Variants in NXPE4 observed in about 807,000 individuals in gnomAD.
NXPE4 encodes NXPE family member 4.
In NXPE4, 42 loss-of-function variants were observed where a neutral mutation model predicts 33.3. The ratio of observed to expected loss-of-function variants is 1.26; its 90% CI spans 0.98 to 1.63. The LOEUF is 1.63. NXPE4 is among the 40% of genes most tolerant of loss of function. The probability of loss-of-function intolerance (pLI) is 0.00; values close to 1 mark genes in which losing one functional copy is unlikely to be tolerated. For synonymous variants in NXPE4, 253 were observed against 234.9 expected, an observed-to-expected ratio of 1.08 and a Z score of -0.71; for missense variants, 709 against 647.6, an observed-to-expected ratio of 1.09 and a Z score of -1.03.
the NXPE4 span, among the ~76,000 whole-genome samples, chr11:114,665,928 T>G: frequency 6.6e-6 from 1 of 152,138 alleles, no homozygotes; most frequent in South Asian, 2.1e-4. Flanking sequence ...CTGTGTGCAG[T>G]TATTATCACT....
the NXPE4 span, among the ~76,000 whole-genome samples, chr11:114,604,389 C>CTGTTACATGATG: frequency 1.2e-3 from 188 of 152,104 alleles, no homozygotes; most frequent in African/African-American, 4.3e-3. Context: ...TGGGTAACCA[C>CTGTTACATGATG]TGTTACATGA....
chr11:114,602,126 T>C, the NXPE4 span, among the ~76,000 whole-genome samples: 868 of 102,160 alleles, frequency 8.5e-3, 14 homozygotes, highest in African/African-American at 0.033. Flanking sequence ...TTATATATAT[T>C]ATACATAACA....
chr11:114,607,222 C>T, the NXPE4 span, among the ~76,000 whole-genome samples: 2 of 151,762 alleles, frequency 1.3e-5, no homozygotes, highest in East Asian at 1.9e-4. Flanking sequence ...AATGTTACCT[C>T]GTGTGTAACC....
the NXPE4 span, among the ~76,000 whole-genome samples, chr11:114,628,573 G>T: frequency 0.2 from 29,176 of 149,362 alleles, 3,310 homozygotes; most frequent in African/African-American, 0.32. Context: ...AAGCAGGAAA[G>T]ATCCAAAATT....
chr11:114,605,396 T>G, the NXPE4 span, among the ~76,000 whole-genome samples: 1 of 151,936 alleles, frequency 6.6e-6, no homozygotes, highest in Non-Finnish European at 1.5e-5. Context: ...GGGTAACCAC[T>G]GTTACCTGGT....
At chr11:114,652,491 A>G in the NXPE4 span, among the ~76,000 whole-genome samples, 2 of 152,220 alleles carry the variant, frequency 1.3e-5, no homozygotes, top group African/African-American at 2.4e-5. Flanking sequence ...ATTCTCTACT[A>G]TATAATGAGG....
chr11:114,654,396 G>A, the NXPE4 span, among the ~76,000 whole-genome samples: 1 of 151,952 alleles, frequency 6.6e-6, no homozygotes, highest in Non-Finnish European at 1.5e-5. Context: ...AGAATGTGCA[G>A]GTTTGTTACA....
the NXPE4 span, among the ~76,000 whole-genome samples, chr11:114,643,792 C>A: frequency 6.6e-6 from 1 of 151,274 alleles, no homozygotes; most frequent in Admixed American, 6.6e-5. Context: ...TTTAATAATT[C>A]TGTGAAGAAA....
the NXPE4 span, among the ~76,000 whole-genome samples, chr11:114,603,593 A>T: frequency 6.6e-6 from 1 of 150,506 alleles, no homozygotes. Context: ...AACTCCTATT[A>T]CCTGGTGGAT....
chr11:114,648,145 A>G, the NXPE4 span, among the ~76,000 whole-genome samples: 2 of 152,086 alleles, frequency 1.3e-5, no homozygotes, highest in African/African-American at 2.4e-5. Flanking sequence ...ATCTTTGCCT[A>G]TTTATAATGA....
At chr11:114,623,499 C>T in the NXPE4 span, among the ~76,000 whole-genome samples, 2 of 151,894 alleles carry the variant, frequency 1.3e-5, no homozygotes, top group African/African-American at 4.8e-5. Flanking sequence ...CACTGTTACC[C>T]AGTGGATAAT....
At chr11:114,583,825 C>A in intron 2 of NXPE4, 1 of 422,542 alleles carries the variant, frequency 2.4e-6, no homozygotes. Flanking sequence ...ATATTACAGG[C>A]TAGGCCAGGA....
chr11:114,635,933 G>A, the NXPE4 span, among the ~76,000 whole-genome samples: 5 of 151,846 alleles, frequency 3.3e-5, no homozygotes, highest in Admixed American at 1.3e-4. Flanking sequence ...TCTCTTTTTT[G>A]GTGGTTTCTC....
the NXPE4 span, among the ~76,000 whole-genome samples, chr11:114,617,186 G>T: frequency 6.6e-6 from 1 of 151,588 alleles, no homozygotes; most frequent in Non-Finnish European, 1.5e-5. Context: ...GATAATAAGT[G>T]TTGTCTTGTT....
At chr11:114,603,676 T>G in the NXPE4 span, among the ~76,000 whole-genome samples, 27 of 151,706 alleles carry the variant, frequency 1.8e-4, no homozygotes, top group East Asian at 5.3e-3. Context: ...GTCTCTTGGG[T>G]AACTCCTATT....
the NXPE4 span, among the ~76,000 whole-genome samples, chr11:114,640,071 A>C: frequency 1.9e-5 from 2 of 107,508 alleles, no homozygotes; most frequent in African/African-American, 9.5e-5. Flanking sequence ...TTTAAAATAT[A>C]ATATATAATA....
At chr11:114,612,611 G>C in the NXPE4 span, among the ~76,000 whole-genome samples, 14 of 151,980 alleles carry the variant, frequency 9.2e-5, no homozygotes, top group Non-Finnish European at 1.6e-4. Flanking sequence ...GGTAACCAGA[G>C]TTACCCTGTG....
the NXPE4 span, among the ~76,000 whole-genome samples, chr11:114,645,060 G>T: frequency 1.3e-5 from 2 of 151,462 alleles, no homozygotes; most frequent in South Asian, 2.1e-4. Context: ...TCAGCACTTT[G>T]GGAGGCTGAG....
chr11:114,609,736 A>T, the NXPE4 span, among the ~76,000 whole-genome samples: 2 of 140,514 alleles, frequency 1.4e-5, no homozygotes, highest in South Asian at 2.3e-4. Context: ...TGCCTCATGG[A>T]TAACCACTGT....
Sources: gnomAD v4.1 joint callset for allele counts (sites outside exome capture counted in the v4.1 genomes callset) on GRCh38, gnomAD v4.1.1 for gene constraint, MANE v1.5 for transcripts, NCBI Gene and HGNC (gene_info 2026-07-23, HGNC 2026-07-21) for gene names.